SORBS2: variants seen among roughly 807,000 people sequenced by gnomAD.
SORBS2 encodes sorbin and SH3 domain containing 2.
In SORBS2, 46 loss-of-function variants were observed where a neutral mutation model predicts 97.7. The ratio of observed to expected loss-of-function variants is 0.47; its 90% confidence interval spans 0.37 to 0.60. The LOEUF (loss-of-function observed/expected upper bound fraction) is 0.60, where lower values mean the gene tolerates loss of function less well. Among genes scored for constraint, SORBS2 ranks in the 20% least tolerant of loss-of-function variants. SORBS2 has a pLI of 0.00. For missense variants in SORBS2, 1,316 were observed against 1,282.3 expected, an observed-to-expected ratio of 1.03 and a Z score of -0.40; for synonymous variants, 476 against 473.4, an observed-to-expected ratio of 1.01 and a Z score of -0.07.
intron 9 of SORBS2, 150 bp from the exon 22 acceptor site, chr4:185,615,309 C>A: frequency 1.6e-6 from 1 of 612,076 alleles, no homozygotes. Flanking sequence ...TAAGAATGAT[C>A]CTTGCAAATT....
At chr4:185,660,109 A>G (rs1048801645), upstream of SORBS2, among the ~76,000 whole-genome samples, 6 of 152,230 alleles carry the variant, frequency 3.9e-5, no homozygotes, top group African/African-American at 1.2e-4. Flanking sequence ...CAGTGTTTAC[A>G]TTGGGAATTT....
chr4:185,864,654 T>C (rs557682412), intron 1 of SORBS2, among the ~76,000 whole-genome samples: 10 of 152,312 alleles, frequency 6.6e-5, no homozygotes, highest in African/African-American at 2.2e-4. Flanking sequence ...CTCACGCCTA[T>C]AATCCCAGCA....
chr4:185,753,310 G>C (rs892902379), intron 2 of SORBS2, among the ~76,000 whole-genome samples: 7 of 152,196 alleles, frequency 4.6e-5, no homozygotes, highest in Non-Finnish European at 1.0e-4. Context: ...TGCCTGGGAG[G>C]CTCTTTGAAA....
intron 4 of SORBS2, among the ~76,000 whole-genome samples, chr4:185,635,768 G>T (rs940750485): frequency 4.6e-5 from 7 of 152,206 alleles, no homozygotes; most frequent in Admixed American, 4.6e-4. Flanking sequence ...GAGTTTCCAT[G>T]TGTGACTGAA....
intron 2 of SORBS2, among the ~76,000 whole-genome samples, chr4:185,751,999 T>C (rs1466476017): frequency 6.6e-6 from 1 of 152,002 alleles, no homozygotes; most frequent in Non-Finnish European, 1.5e-5. Context: ...CTAACTGCCA[T>C]CGTGTGGGTA....
At chr4:185,652,825 A>C in intron 1 of SORBS2, 97 bp from the exon 10 acceptor site, 1 of 903,194 alleles carries the variant, frequency 1.1e-6, no homozygotes. Context: ...TTAATAACAG[A>C]GTCCCATTCT....
In SORBS2 at chr4:185,827,759, CCATCAT is replaced by C. The variant is rs1406702500; in HGVS notation, c.-337-52399_-337-52394del. On this transcript the variant is annotated intron_variant, in intron 1 of 20. Transcript: ENST00000284776. ...ATCATCACCATCATCACCATCATCACCATCATCATCACCATCACCATCATCATCGTC... is the reference window on the plus strand; with the variant it reads ...ATCATCACCATCATCACCATCATCACCATCACCATCACCATCATCATCGTC... 2.8e-4 allele frequency among the ~76,000 whole-genome samples: 4 copies of C among 14,240 alleles called. 1 individual carries two copies. The highest frequency in any genetic ancestry group is 5.1e-4 in the African/African-American group (2 of 3,956). The allele number at this position is 14,240 out of a possible 152,430, so 9.3% of individuals were successfully genotyped here.
chr4:185,611,315 G>A (rs1246237341), intron 12 of SORBS2, among the ~76,000 whole-genome samples: 2 of 151,770 alleles, frequency 1.3e-5, no homozygotes, highest in African/African-American at 4.8e-5. Flanking sequence ...ATAGTATTTT[G>A]TGTTGTGTAT....
At chr4:185,728,505 G>A (rs1446781709) in intron 2 of SORBS2, among the ~76,000 whole-genome samples, 1 of 151,884 alleles carries the variant, frequency 6.6e-6, no homozygotes, top group East Asian at 1.9e-4. Context: ...TTTTGTGTAA[G>A]CATGGTGGTC....
intron 2 of SORBS2, among the ~76,000 whole-genome samples, chr4:185,760,950 A>T (rs78437845): frequency 0.032 from 4,887 of 152,368 alleles, 110 homozygotes; most frequent in Non-Finnish European, 0.049. Flanking sequence ...TTGCTATTTC[A>T]GTTACATAAT....
chr4:185,802,139 T>G (rs6839142), intron 1 of SORBS2, among the ~76,000 whole-genome samples: 2 of 152,248 alleles, frequency 1.3e-5, no homozygotes, highest in Admixed American at 1.3e-4. Flanking sequence ...GGAACTCCAT[T>G]GCTTAAGACG....
chr4:185,760,103 T>G (rs868611467), intron 2 of SORBS2, among the ~76,000 whole-genome samples: 60 of 152,220 alleles, frequency 3.9e-4, no homozygotes, highest in Non-Finnish European at 1.2e-4. Flanking sequence ...ATTCTCGTTC[T>G]CCATCCATGC....
At chr4:185,602,112 G>A (rs1278063744) in intron 12 of SORBS2, among the ~76,000 whole-genome samples, 1 of 151,554 alleles carries the variant, frequency 6.6e-6, no homozygotes, top group Non-Finnish European at 1.5e-5. Flanking sequence ...CCGGGTTCAA[G>A]CAATTCTCTG....
At chr4:185,734,033 T>C (rs1214243346) in intron 2 of SORBS2, 66 bp downstream of exon 3, 2 of 152,626 alleles carry the variant, frequency 1.3e-5, no homozygotes, top group Non-Finnish European at 2.9e-5. Context: ...CGCATTAAGT[T>C]TCTTCCTGGC....
intron 1 of SORBS2, among the ~76,000 whole-genome samples, chr4:185,856,474 C>T (rs1405649918): frequency 6.6e-6 from 1 of 152,310 alleles, no homozygotes; most frequent in Middle Eastern, 3.4e-3. Context: ...TATGACCCCA[C>T]TATCTTGCCT....
chr4:185,634,338 T>TA (rs1472426191), intron 4 of SORBS2, among the ~76,000 whole-genome samples: 8 of 152,196 alleles, frequency 5.3e-5, no homozygotes, highest in Non-Finnish European at 1.0e-4. Context: ...CAGTTGCACA[T>TA]ATTTAAGACT....
chr4:185,922,977 G>C (rs1176237965), intron 1 of SORBS2, among the ~76,000 whole-genome samples: 1 of 152,162 alleles, frequency 6.6e-6, no homozygotes, highest in Non-Finnish European at 1.5e-5. Context: ...TACAAACCCT[G>C]AACGAAGCTT....
intron 4 of SORBS2, among the ~76,000 whole-genome samples, chr4:185,669,994 A>G (rs963909032): frequency 2.0e-5 from 3 of 152,072 alleles, no homozygotes; most frequent in East Asian, 1.9e-4. Flanking sequence ...TGAGGCGGGC[A>G]GATCACCTGA....
chr4:185,893,799 G>A (rs1052720877), intron 1 of SORBS2, among the ~76,000 whole-genome samples: 4 of 152,136 alleles, frequency 2.6e-5, no homozygotes, highest in South Asian at 2.1e-4. Flanking sequence ...GTGAGCAAAC[G>A]GTGTCTTGTT....
Sources: allele counts gnomAD v4.1 joint callset (sites outside exome capture counted in the v4.1 genomes callset), GRCh38; gene constraint gnomAD v4.1.1; transcripts MANE v1.5; gene names NCBI Gene and HGNC (gene_info 2026-07-23, HGNC 2026-07-21).